The following PTPRM variants were observed in gnomAD, a reference collection of about 807,000 sequenced individuals.
PTPRM encodes protein tyrosine phosphatase receptor type M.
Under a neutral mutation model 186.7 loss-of-function variants are expected in PTPRM, and 47 were observed. That is an observed-to-expected ratio of 0.25 (90% CI 0.20 to 0.32). The LOEUF (loss-of-function observed/expected upper bound fraction) is 0.32. Among genes scored for constraint, PTPRM ranks in the 10% least tolerant of loss-of-function variants. The pLI is 1.00. For missense variants in PTPRM, 1,494 were observed against 1,865.0 expected (o/e 0.80, Z 3.66); for synonymous variants, 668 against 674.9 (o/e 0.99, Z 0.16).
intron 5 of PTPRM, among the ~76,000 whole-genome samples, chr18:7,931,633 G>A (rs905115396): frequency 7.2e-5 from 11 of 152,152 alleles, no homozygotes; most frequent in South Asian, 2.1e-4. Context: ...CCCGGAAGGC[G>A]GAGGTTGCAG....
chr18:7,944,961 T>C (rs1055017928), intron 5 of PTPRM, among the ~76,000 whole-genome samples: 4 of 152,172 alleles, frequency 2.6e-5, no homozygotes, highest in African/African-American at 9.7e-5. Context: ...ATCTCCAGTG[T>C]CATTATTGAG....
intron 19 of PTPRM, among the ~76,000 whole-genome samples, chr18:8,294,965 C>G (rs2095080363): frequency 6.6e-6 from 1 of 152,204 alleles, no homozygotes; most frequent in African/African-American, 2.4e-5. Flanking sequence ...TGTATGGTAA[C>G]AGCAGTGTCC....
chr18:8,057,425 C>CTTTTTTTTTTTTTTTTTTTTTGGTTT (rs2088072606), intron 7 of PTPRM, among the ~76,000 whole-genome samples: 1 of 102,562 alleles, frequency 9.8e-6, no homozygotes, highest in African/African-American at 4.3e-5. Context: ...TGTGATACTT[C>CTTTTTTTTTTTTTTTTTTTTTGGTTT]TTTTTTTTTT....
At chr18:7,740,302 A>C (rs2040861331) in intron 1 of PTPRM, among the ~76,000 whole-genome samples, 1 of 152,226 alleles carries the variant, frequency 6.6e-6, no homozygotes, top group African/African-American at 2.4e-5. Flanking sequence ...AACTGAAGCA[A>C]AATTAACATA....
intron 1 of PTPRM, among the ~76,000 whole-genome samples, chr18:7,605,451 T>C (rs1327269859): frequency 6.7e-6 from 1 of 150,346 alleles, no homozygotes. Flanking sequence ...GTACCATACT[T>C]TGTAGCAAAG....
intron 7 of PTPRM, among the ~76,000 whole-genome samples, chr18:8,051,109 TG>T (rs1435035559): frequency 6.6e-6 from 1 of 152,120 alleles, no homozygotes; most frequent in Non-Finnish European, 1.5e-5. Flanking sequence ...CTCCATCCCG[TG>T]GGGGTATCTG....
intron 2 of PTPRM, among the ~76,000 whole-genome samples, chr18:7,826,073 T>C (rs2045468710): frequency 6.6e-6 from 1 of 152,188 alleles, no homozygotes; most frequent in Non-Finnish European, 1.5e-5. Flanking sequence ...AACCTGATAT[T>C]GGTCGAGAGC....
chr18:7,761,152 G>A (rs2041752205), intron 1 of PTPRM, among the ~76,000 whole-genome samples: 1 of 152,154 alleles, frequency 6.6e-6, no homozygotes, highest in Non-Finnish European at 1.5e-5. Flanking sequence ...AGGATGGGAA[G>A]GAAAGCTGAT....
Position 8,029,702 on chromosome 18 carries a change from C to T in PTPRM, c.1133-39984C>T, listed in dbSNP as rs543707485. 2.6e-5 allele frequency among the ~76,000 whole-genome samples: 4 copies of T among 152,324 alleles called. No homozygotes were observed. In the East Asian group the frequency reaches 7.7e-4, roughly 29 times the overall value. On this transcript the variant is annotated intron_variant, in intron 7 of 32. Coordinates refer to ENST00000580170, the MANE Select transcript of PTPRM (RefSeq NM_001105244.2). Reference sequence around the variant, plus strand: ...CAGTCTTCCCCACCAATGTGAGCTCCTCGAGAGTAGAGATTGTGTCTTATA... The same window carrying T: ...CAGTCTTCCCCACCAATGTGAGCTCTTCGAGAGTAGAGATTGTGTCTTATA...
chr18:7,768,368 C>T lies in PTPRM; in HGVS notation c.74-5781C>T, dbSNP rs2042111704. The stretch of plus-strand genomic sequence containing the variant: ...TTTAGCTAGGCAAGATGGCATGTGC[C>T]TGTGGTCCCAGGTACTCTGGAGGCT... On this transcript the variant is annotated intron_variant, in intron 1 of 32. Transcript: ENST00000580170. Among the ~76,000 whole-genome samples the T allele has an allele frequency of 3.3e-5, 5 of 152,218 alleles. No homozygotes were observed. In the South Asian group the frequency reaches 1.0e-3, roughly 32 times the overall value.
chr18:8,322,905 G>A (rs1227830492), intron 22 of PTPRM, among the ~76,000 whole-genome samples: 2 of 152,028 alleles, frequency 1.3e-5, no homozygotes, highest in East Asian at 1.9e-4. Flanking sequence ...CTGAAGCATC[G>A]AACTCCTGGG....
chr18:8,005,711 T>C (rs977335582), intron 7 of PTPRM, among the ~76,000 whole-genome samples: 1 of 152,172 alleles, frequency 6.6e-6, no homozygotes, highest in African/African-American at 2.4e-5. Flanking sequence ...CTAATGTCCC[T>C]CAGGGCTGCT....
chr18:7,869,236 C>A (rs866046807), intron 2 of PTPRM, among the ~76,000 whole-genome samples: 1 of 152,174 alleles, frequency 6.6e-6, no homozygotes, highest in Non-Finnish European at 1.5e-5. Context: ...CCAGGTGCCA[C>A]TGGGGTATGA....
At chr18:7,739,629 T>A (rs778133160) in intron 1 of PTPRM, among the ~76,000 whole-genome samples, 5 of 152,084 alleles carry the variant, frequency 3.3e-5, no homozygotes, top group Admixed American at 6.6e-5. Context: ...ACCTTGGGAG[T>A]CATTGGATTT....
chr18:7,990,045 A>G (rs2083181504), intron 7 of PTPRM, among the ~76,000 whole-genome samples: 1 of 152,150 alleles, frequency 6.6e-6, no homozygotes, highest in African/African-American at 2.4e-5. Context: ...CTGGGATTAC[A>G]GGCATGCACC....
At chr18:7,837,080 C>T (rs9950595) in intron 2 of PTPRM, among the ~76,000 whole-genome samples, 8,778 of 152,176 alleles carry the variant, frequency 0.058, 624 homozygotes, top group African/African-American at 0.17. Flanking sequence ...CTTTCTACCC[C>T]GGTCTCTTTC....
At chr18:8,392,362 C>T (rs976683508) in intron 31 of PTPRM, among the ~76,000 whole-genome samples, 3 of 152,118 alleles carry the variant, frequency 2.0e-5, no homozygotes, top group South Asian at 2.1e-4. Context: ...CGGTGGCTCA[C>T]ACCTGTAATC....
At chr18:8,017,027 ATT>A (rs921778424) in intron 7 of PTPRM, among the ~76,000 whole-genome samples, 1 of 151,926 alleles carries the variant, frequency 6.6e-6, no homozygotes, top group South Asian at 2.1e-4. Flanking sequence ...ACCCATACCG[ATT>A]TTTTTTCTAC....
chr18:7,606,189 G>A (rs2037526974), intron 1 of PTPRM, among the ~76,000 whole-genome samples: 2 of 152,034 alleles, frequency 1.3e-5, no homozygotes, highest in Admixed American at 6.6e-5. Flanking sequence ...GACTCCTCTC[G>A]TGAATAGTTT....
Sources: allele counts gnomAD v4.1 joint callset (sites outside exome capture counted in the v4.1 genomes callset), GRCh38; gene constraint gnomAD v4.1.1; transcripts MANE v1.5; gene names NCBI Gene and HGNC (gene_info 2026-07-23, HGNC 2026-07-21).